Variants in ZNF750 observed in about 807,000 individuals in gnomAD.
ZNF750 encodes protein ZNF750.
ZNF750 carries 10 observed loss-of-function variants against 31.6 expected under a neutral mutation model. The observed-to-expected ratio is 0.32, with a 90% CI of 0.19 to 0.54. The LOEUF (loss-of-function observed/expected upper bound fraction) is 0.54, where lower values mean the gene tolerates loss of function less well. ZNF750 is among the 20% of genes least tolerant of loss of function. The probability of loss-of-function intolerance (pLI) is 0.95; values close to 1 mark genes in which losing one functional copy is unlikely to be tolerated. For synonymous variants in ZNF750, 400 were observed against 404.9 expected, an observed-to-expected ratio of 0.99 and a Z score of 0.15; for missense variants, 914 against 934.9, an observed-to-expected ratio of 0.98 and a Z score of 0.29.
chr17:82,830,984 T>C, intron 2 of ZNF750, 35 bp downstream of exon 2: 3 of 1,613,570 alleles, frequency 1.9e-6, no homozygotes, highest in Non-Finnish European at 2.5e-6. Context: ...ACCAGAAACA[T>C]TCCCTTGGAG....
intron 2 of ZNF750, 52 bp downstream of exon 2, chr17:82,830,967 G>A (rs1019976956): frequency 1.5e-5 from 25 of 1,613,246 alleles, no homozygotes; most frequent in Non-Finnish European, 2.1e-5. Context: ...CTGGCTCATG[G>A]AACCCAACCA....
chr17:82,830,240 G>C lies in ZNF750; in HGVS notation c.2074C>G (p.Leu692Val). 1 of 1,614,226 alleles carries C rather than the reference G, an allele frequency of 6.2e-7. No homozygotes were observed. Among genetic ancestry groups the C allele is most frequent in the South Asian group, 1.1e-5 (1 of 91,090 alleles). ...LRPKGQKRTS[L>V]RDAGKSQQGA... Reference sequence around the variant, plus strand: ...TGCTGGGATTTTCCAGCATCCCTTAGACTTGTCCTCTTTTGTCCTTTGGGT... The same window carrying C: ...TGCTGGGATTTTCCAGCATCCCTTACACTTGTCCTCTTTTGTCCTTTGGGT... Residue 692 changes from leucine to valine, a missense_variant, in exon 3 of 3, where the codon CTA becomes GTA. Physicochemically the swap from Leu to Val is conservative, Grantham distance 32 (BLOSUM62 1). Around this residue, in one of 2 missense-constraint regions of ZNF750, gnomAD observed 880 missense variants for 868.9 expected, o/e 1.01. Coordinates refer to ENST00000269394, the MANE Select transcript of ZNF750 (RefSeq NM_024702.3).
rs142714888 is a variant in ZNF750, at chr17:82,830,701, G to A, written c.1613C>T (p.Ala538Val). The change falls in exon 3 of 3, where the codon GCG (alanine) becomes GTG (valine). Residue 538 changes from alanine (A) to valine (V), a missense_variant. Coordinates refer to ENST00000269394, the MANE Select transcript of ZNF750 (RefSeq NM_024702.3). ...CAGCTCTGAGAAGCTGGCGGTTTCC[G>A]CCTGGGGGCTGCCTTGGTACGTGGG... The part of the protein sequence containing the change: ...HEPTYQGSPQ[A>V]ETASFSELQD... 14 of 1,614,022 alleles carry A rather than the reference G, an allele frequency of 8.7e-6. No homozygotes were observed. Among genetic ancestry groups the A allele is most frequent in the Non-Finnish European group, 1.2e-5 (14 of 1,180,052 alleles).
Position 82,832,509 on chromosome 17 carries a change from G to A in ZNF750, c.-55C>T, listed in dbSNP as rs960019367. 61 of 1,517,532 alleles carry A rather than the reference G, an allele frequency of 4.0e-5. No homozygotes were observed. The highest frequency in any genetic ancestry group is 3.4e-4 in the Middle Eastern group (2 of 5,910). The allele number at this position is 1,517,532 out of a possible 1,614,324, so 94.0% of individuals were successfully genotyped here. On this transcript the variant is annotated 5_prime_UTR_variant, in exon 2 of 3. Coordinates refer to ENST00000269394, the MANE Select transcript of ZNF750 (RefSeq NM_024702.3). The surrounding 1 kb of genome is among the most constrained non-coding windows in gnomAD (Gnocchi z 4.9). ...TCCAGGTGGCGTGATCACTGTCGAC[G>A]CCGCGTGCACTTCGTGGTTTCTAAA... is the stretch of plus-strand genomic sequence containing the variant.
In ZNF750 at chr17:82,839,999, T is replaced by G. The variant is rs554234490; in HGVS notation, c.-255A>C. The G allele has an allele frequency of 2.0e-4, 30 of 152,564 alleles. No homozygotes were observed. The highest frequency in any genetic ancestry group is 7.2e-4 in the African/African-American group (30 of 41,570). 9.5% of individuals were successfully genotyped at this position (152,564 alleles called of 1,614,324 possible). On this transcript the variant is annotated 5_prime_UTR_variant, in exon 1 of 3. Coordinates refer to ENST00000269394, the MANE Select transcript of ZNF750 (RefSeq NM_024702.3). ...GGCGGTGCTCAGGAAGCAGTACCTG[T>G]TCTCACGCTTGCTGGGTGAAACTGG...
intron 1 of ZNF750, among the ~76,000 whole-genome samples, chr17:82,836,373 C>A (rs537941183): frequency 1.3e-5 from 2 of 152,348 alleles, no homozygotes; most frequent in South Asian, 2.1e-4. Context: ...CTGATGATTT[C>A]ATCACTAGCT....
Position 82,831,416 on chromosome 17 carries a change from A to T in ZNF750, c.1039T>A (p.Ser347Thr). 2 of 1,614,036 alleles carry T rather than the reference A, an allele frequency of 1.2e-6. No homozygotes were observed. The highest frequency in any genetic ancestry group is 1.1e-5 in the South Asian group (1 of 91,058). The stretch of plus-strand genomic sequence containing the variant: ...AGGGTGGCTTCTTCAAGCAGGTGAG[A>T]GCTCTGATCTCGGGTGAGGCCAGTG... ...PVTGLTRDQS[S>T]HLLEEATLVY... The change falls in exon 2 of 3, where the codon TCT becomes ACT. Residue 347 changes from serine to threonine, a missense_variant. Physicochemically the swap from Ser to Thr is moderately conservative, Grantham distance 58. Transcript: ENST00000269394. This position sits in a 1 kb window ranked among gnomAD's most constrained non-coding sequence, Gnocchi z 4.6.
intron 1 of ZNF750, among the ~76,000 whole-genome samples, chr17:82,836,357 T>C (rs1185689261): frequency 6.6e-6 from 1 of 152,232 alleles, no homozygotes; most frequent in African/African-American, 2.4e-5. Context: ...GGCAGGGATC[T>C]GAAAGCTGAT....
At position 82,830,736 on chromosome 17, in the gene ZNF750, G is replaced by A. The variant is rs937174703; in HGVS notation, c.1578C>T (p.Ala526=). The change falls in exon 3 of 3, where the codon GCC becomes GCT. Residue 526 remains alanine (A), a synonymous_variant. Transcript: ENST00000269394. Reference sequence around the variant, plus strand: ...TGCCTTGGTACGTGGGTTCGTGGGTGGCTGCCAGGTTTATCTCTGATTTCT... The same window carrying A: ...TGCCTTGGTACGTGGGTTCGTGGGTAGCTGCCAGGTTTATCTCTGATTTCT... ...LSKKSEINLA[A]THEPTYQGSP... 13 of 1,613,968 alleles carry A rather than the reference G, an allele frequency of 8.1e-6. No homozygotes were observed. In the African/African-American group the frequency reaches 1.2e-4, roughly 15 times the overall value.
chr17:82,830,484 T>TG lies in ZNF750; in HGVS notation c.1829dup (p.Pro611ThrfsTer71). The TG allele has an allele frequency of 6.2e-7, 1 of 1,613,112 alleles. No homozygotes were observed. The highest frequency in any genetic ancestry group is 8.5e-7 in the Non-Finnish European group (1 of 1,179,614). On this transcript the variant is annotated frameshift_variant, in exon 3 of 3. Coordinates refer to ENST00000269394, the MANE Select transcript of ZNF750 (RefSeq NM_024702.3). LOFTEE classifies it low-confidence loss of function (END_TRUNC). ...GAGCCTCCTCGCCGGGGCCTGTGGG[T>TG]GGGGCCCCGTCACCGTCGAGGCTGC...
intron 1 of ZNF750, among the ~76,000 whole-genome samples, chr17:82,837,305 CTGTG>C (rs2054072851): frequency 6.6e-6 from 1 of 152,242 alleles, no homozygotes. Flanking sequence ...GAAATAGTCT[CTGTG>C]TGGTCAGTTT....
rs1466832267 is a variant in ZNF750, at chr17:82,830,826, G to C, written c.1488C>G (p.Leu496=). 2 of 1,613,340 alleles carry C rather than the reference G, an allele frequency of 1.2e-6. No homozygotes were observed. Among genetic ancestry groups the C allele is most frequent in the African/African-American group, 2.7e-5 (2 of 75,044 alleles). The part of the protein sequence containing the change: ...DPPAPTGSAS[L]VSEAAPSSPD... ...GACTGGAAGGCGCGGCCTCCGAGAC[G>C]AGAGAGGCGCTTCCGGTCGGAGCAG... The change falls in exon 3 of 3, where the codon CTC becomes CTG. Residue 496 remains leucine (L), a synonymous_variant. Transcript: ENST00000269394.
rs769585261 is a variant in ZNF750 at position 82,831,270 on chromosome 17, C to T, written c.1185G>A (p.Thr395=). ...KDSSKAGQRD[T]EGSKMSPRAG... is the part of the protein sequence containing the mutation. ...CGCGGGGGCTCATTTTGGACCCTTC[C>T]GTGTCTCTCTGCCCAGCCTTGGAGG... Residue 395 remains threonine, a synonymous_variant, in exon 2 of 3, where the codon ACG becomes ACA. Coordinates refer to ENST00000269394, the MANE Select transcript of ZNF750 (RefSeq NM_024702.3). This position sits in a 1 kb window ranked among gnomAD's most constrained non-coding sequence, Gnocchi z 4.6. 21 of 1,613,722 alleles carry T rather than the reference C, an allele frequency of 1.3e-5. No homozygotes were observed. Among genetic ancestry groups the T allele is most frequent in the Admixed American group, 1.7e-5 (1 of 60,006 alleles).
chr17:82,830,914 C>T (rs200015897), intron 2 of ZNF750, 37 bp from the exon 3 acceptor site: 91 of 1,613,022 alleles, frequency 5.6e-5, no homozygotes, highest in Middle Eastern at 1.6e-4. Context: ...TAGGAGCTTG[C>T]TTAGAAAAGC....
chr17:82,830,461 G>T lies in ZNF750; in HGVS notation c.1853C>A (p.Ala618Asp). The T allele has an allele frequency of 6.2e-7, 1 of 1,612,690 alleles. No homozygotes were observed. The highest frequency in any genetic ancestry group is 8.5e-7 in the Non-Finnish European group (1 of 1,179,760). ...GAPPTGPGEE[A>D]PDACAVDSSE... ...GCTGTCCACCGCGCATGCGTCTGGA[G>T]CCTCCTCGCCGGGGCCTGTGGGTGG... The change falls in exon 3 of 3, where the codon GCT becomes GAT. Residue 618 changes from alanine to aspartate, a missense_variant. This residue lies in a region of ZNF750 where 880 missense variants were observed against 868.9 expected (regional missense o/e 1.01). Coordinates refer to ENST00000269394, the MANE Select transcript of ZNF750 (RefSeq NM_024702.3).
chr17:82,837,835 G>C (rs967847189), intron 1 of ZNF750, among the ~76,000 whole-genome samples: 4 of 152,220 alleles, frequency 2.6e-5, no homozygotes. Flanking sequence ...AGCCTGGCCT[G>C]GCACAAAGCC....
intron 1 of ZNF750, chr17:82,838,514 G>T (rs1567865250): frequency 2.4e-6 from 1 of 410,642 alleles, no homozygotes. Flanking sequence ...CTCGGCTGGA[G>T]CATTGTGAAG....
At position 82,835,169 on chromosome 17, in the gene ZNF750, G is replaced by A. The variant is rs2053861799; in HGVS notation, c.-182-2533C>T. Reference sequence around the variant, plus strand: ...CATTCTTGAGTCTGTGAGGTTTTATGTGTAGACATCAGGGTGGCTAAAAGT... The same window carrying A: ...CATTCTTGAGTCTGTGAGGTTTTATATGTAGACATCAGGGTGGCTAAAAGT... On this transcript the variant is annotated intron_variant, in intron 1 of 2. Transcript: ENST00000269394. This position sits in a 1 kb window ranked among gnomAD's most constrained non-coding sequence, Gnocchi z 4.5. 6.6e-6 allele frequency among the ~76,000 whole-genome samples: 1 copy of A among 152,204 alleles called. No individual in the cohort carries two copies. The highest frequency in any genetic ancestry group is 1.5e-5 in the Non-Finnish European group (1 of 68,038).
intron 1 of ZNF750, among the ~76,000 whole-genome samples, chr17:82,838,025 T>C (rs1348736680): frequency 2.0e-5 from 3 of 152,248 alleles, no homozygotes; most frequent in African/African-American, 4.8e-5. Context: ...TTTTAAATGT[T>C]GTGTGCTCAG....
Sources: allele counts gnomAD v4.1 joint callset (sites outside exome capture counted in the v4.1 genomes callset), GRCh38; gene constraint gnomAD v4.1.1; regional missense constraint gnomAD v4.1.1; non-coding constraint Gnocchi (gnomAD v3.1); transcripts MANE v1.5; gene names NCBI Gene and HGNC (gene_info 2026-07-23, HGNC 2026-07-21).